MCTP1: variants seen among roughly 807,000 people sequenced by gnomAD.
MCTP1 encodes the protein multiple C2 and transmembrane domain containing 1.
MCTP1 carries 69 observed loss-of-function variants against 120.6 expected under a neutral mutation model. The ratio of observed to expected loss-of-function variants is 0.57; its 90% confidence interval spans 0.47 to 0.70. MCTP1 has a LOEUF of 0.70. Ranked by LOEUF, MCTP1 falls within the 30% of genes least tolerant of loss-of-function variation. The pLI is 0.00. For synonymous variants in MCTP1, 529 were observed against 493.1 expected (o/e 1.07, Z -0.96); for missense variants, 1,203 against 1,248.8 (o/e 0.96, Z 0.55).
intron 17 of MCTP1, among the ~76,000 whole-genome samples, chr5:94,858,234 C>T (rs1391797717): frequency 6.6e-6 from 1 of 151,568 alleles, no homozygotes; most frequent in Non-Finnish European, 1.5e-5. Flanking sequence ...TACTTGGAGG[C>T]CAAATGATAT....
chr5:95,006,887 C>T (rs1834872951), intron 2 of MCTP1, among the ~76,000 whole-genome samples: 1 of 152,036 alleles, frequency 6.6e-6, no homozygotes, highest in South Asian at 2.1e-4. Flanking sequence ...GTACTATTAA[C>T]AATTATGTCA....
intron 13 of MCTP1, 37 bp downstream of exon 13, chr5:94,873,102 A>G (rs1798135178): frequency 1.6e-5 from 19 of 1,170,160 alleles, no homozygotes; most frequent in Non-Finnish European, 2.4e-5. Context: ...AATTTAACAC[A>G]ATTTTGGATT....
intron 1 of MCTP1, among the ~76,000 whole-genome samples, chr5:95,047,094 A>G (rs760434185): frequency 6.6e-6 from 1 of 152,192 alleles, no homozygotes; most frequent in Non-Finnish European, 1.5e-5. Flanking sequence ...CTTATAACCT[A>G]AAGTGCTATT....
chr5:94,922,780 G>T (rs1812010140), intron 7 of MCTP1, among the ~76,000 whole-genome samples: 3 of 152,174 alleles, frequency 2.0e-5, no homozygotes, highest in East Asian at 1.9e-4. Context: ...GAGCCACCAG[G>T]CCCGGCCAGT....
At chr5:95,025,811 C>CA (rs1381179226) in intron 1 of MCTP1, among the ~76,000 whole-genome samples, 2 of 152,170 alleles carry the variant, frequency 1.3e-5, no homozygotes, top group Non-Finnish European at 2.9e-5. Flanking sequence ...AACAGCCCCT[C>CA]AAGTAATTTC....
At chr5:95,128,189 G>T (rs1440199770) in intron 1 of MCTP1, among the ~76,000 whole-genome samples, 1 of 152,174 alleles carries the variant, frequency 6.6e-6, no homozygotes, top group Non-Finnish European at 1.5e-5. Flanking sequence ...CCATGGCAAG[G>T]TACACGACCA....
chr5:95,120,212 G>C (rs1758125635), intron 1 of MCTP1, among the ~76,000 whole-genome samples: 1 of 141,720 alleles, frequency 7.1e-6, no homozygotes, highest in Non-Finnish European at 1.5e-5. Context: ...GCTACGAAAA[G>C]TCCAGGACTC....
intron 2 of MCTP1, among the ~76,000 whole-genome samples, chr5:95,016,398 T>C (rs149090746): frequency 6.6e-6 from 1 of 152,266 alleles, no homozygotes; most frequent in East Asian, 1.9e-4. Context: ...TACTCTAGTA[T>C]TATATTAAAT....
intron 18 of MCTP1, chr5:94,788,933 A>G (rs1778327089): frequency 6.6e-6 from 1 of 152,206 alleles, no homozygotes; most frequent in Non-Finnish European, 1.5e-5. Flanking sequence ...AGAACCATCA[A>G]GATGGTGAAT....
chr5:94,868,805 T>C (rs930988879), intron 16 of MCTP1, among the ~76,000 whole-genome samples: 1 of 152,008 alleles, frequency 6.6e-6, no homozygotes, highest in Non-Finnish European at 1.5e-5. Context: ...TTAAGATTGA[T>C]CAAATGGTTT....
chr5:94,754,573 G>C (rs113406546), intron 19 of MCTP1, among the ~76,000 whole-genome samples: 272 of 152,252 alleles, frequency 1.8e-3, no homozygotes, highest in African/African-American at 6.3e-3. Flanking sequence ...TTCATCCAAA[G>C]CCATAGGTAA....
chr5:95,005,094 A>G (rs1195096357), intron 2 of MCTP1, among the ~76,000 whole-genome samples: 1 of 152,216 alleles, frequency 6.6e-6, no homozygotes, highest in Non-Finnish European at 1.5e-5. Flanking sequence ...GATGTGAGAC[A>G]TGGTGTCAAA....
At chr5:94,738,163 C>T (rs891667091) in intron 19 of MCTP1, among the ~76,000 whole-genome samples, 1 of 152,084 alleles carries the variant, frequency 6.6e-6, no homozygotes, top group Non-Finnish European at 1.5e-5. Context: ...TTATGGATAA[C>T]CCTCATCTTC....
At chr5:95,005,638 C>T (rs970857330) in intron 2 of MCTP1, among the ~76,000 whole-genome samples, 1 of 152,112 alleles carries the variant, frequency 6.6e-6, no homozygotes, top group African/African-American at 2.4e-5. Context: ...TGCTCTCTTG[C>T]TGGACAGATG....
chr5:94,721,491 G>T (rs1250935292), intron 19 of MCTP1, among the ~76,000 whole-genome samples: 1 of 152,116 alleles, frequency 6.6e-6, no homozygotes, highest in Non-Finnish European at 1.5e-5. Context: ...ACTGCCAAAA[G>T]ACAAAATAAT....
chr5:95,212,320 T>C (rs1025583163), intron 1 of MCTP1, among the ~76,000 whole-genome samples: 2 of 152,246 alleles, frequency 1.3e-5, no homozygotes, highest in African/African-American at 2.4e-5. Flanking sequence ...CAGGAGGAAA[T>C]TGAATCTCTG....
intron 1 of MCTP1, among the ~76,000 whole-genome samples, chr5:95,177,587 T>G (rs749296038): frequency 5.9e-5 from 9 of 152,246 alleles, no homozygotes; most frequent in Non-Finnish European, 1.2e-4. Context: ...AACATAGCTA[T>G]ATGCTTTGCC....
In MCTP1 at chr5:95,280,944, C is replaced by T. The variant is rs549536948; in HGVS notation, c.720+2912G>A. On this transcript the variant is annotated intron_variant, in intron 1 of 22. Transcript: ENST00000515393. ...ACGTGCACATATGTTGTTGGGGCCT[C>T]GTGCTGGGCTAGGGAGGTGGAGACG... 4.6e-5 allele frequency among the ~76,000 whole-genome samples: 7 copies of T among 152,248 alleles called. No individual in the cohort carries two copies. The East Asian group carries it at 7.7e-4, about 17-fold the overall frequency.
At chr5:95,206,451 T>C (rs1354849041) in intron 1 of MCTP1, among the ~76,000 whole-genome samples, 1 of 152,146 alleles carries the variant, frequency 6.6e-6, no homozygotes, top group African/African-American at 2.4e-5. Context: ...TCAATGAAGC[T>C]GTTATAAGAA....
Sources: allele counts gnomAD v4.1 joint callset (sites outside exome capture counted in the v4.1 genomes callset), GRCh38; gene constraint gnomAD v4.1.1; transcripts MANE v1.5; gene names NCBI Gene and HGNC (gene_info 2026-07-23, HGNC 2026-07-21).